TENM3: variants seen among roughly 807,000 people sequenced by gnomAD.
TENM3 encodes teneurin-3.
In TENM3, 63 loss-of-function variants were observed where a neutral mutation model predicts 255.1. The observed-to-expected ratio is 0.25, with a 90% CI of 0.20 to 0.30. The LOEUF is 0.30. TENM3 is among the 10% of genes least tolerant of loss of function. TENM3 has a pLI of 1.00. For synonymous variants in TENM3, 1,306 were observed against 1,322.3 expected, an observed-to-expected ratio of 0.99 and a Z score of 0.27; for missense variants, 2,929 against 3,461.1, an observed-to-expected ratio of 0.85 and a Z score of 3.86.
At chr4:182,555,352 C>G (rs1164885740) in intron 3 of TENM3, among the ~76,000 whole-genome samples, 1 of 151,856 alleles carries the variant, frequency 6.6e-6, no homozygotes, top group African/African-American at 2.4e-5. Flanking sequence ...CTATGTAAGT[C>G]TTACTTAAAA....
intron 6 of TENM3, among the ~76,000 whole-genome samples, chr4:182,661,429 C>CTG (rs1181482988): frequency 2.0e-5 from 3 of 152,034 alleles, no homozygotes; most frequent in Non-Finnish European, 4.4e-5. Flanking sequence ...TGCAGATTCC[C>CTG]TGTGAATTCG....
intron 3 of TENM3, among the ~76,000 whole-genome samples, chr4:182,427,729 GC>G (rs1461883949): frequency 6.6e-6 from 1 of 152,154 alleles, no homozygotes; most frequent in Non-Finnish European, 1.5e-5. Context: ...TACACAAAAT[GC>G]AATACTGCTG....
chr4:181,827,835 C>T, the TENM3 span, among the ~76,000 whole-genome samples: 1 of 152,122 alleles, frequency 6.6e-6, no homozygotes, highest in Admixed American at 6.5e-5. Context: ...TTGCAAAGTA[C>T]TGACAGGCTG....
rs1424352403 is a variant in TENM3 at position 182,775,027 on chromosome 4, C to T, written c.5178C>T (p.Thr1726=). Residue 1726 remains threonine (T), a synonymous_variant, in exon 24 of 28, where the codon ACC becomes ACT. Transcript: ENST00000511685. ...CAGAGCCGCACGTTCTGGCTGGCAC[C>T]GCTAATCCGACGGTTGCCAAAAGAA... ...YQTEPHVLAG[T]ANPTVAKRNM... 8 of 1,613,908 alleles carry T rather than the reference C, an allele frequency of 5.0e-6. No homozygotes were observed. Among genetic ancestry groups the T allele is most frequent in the African/African-American group, 4.0e-5 (3 of 74,924 alleles).
At chr4:182,011,511 G>A in the TENM3 span, among the ~76,000 whole-genome samples, 22 of 152,220 alleles carry the variant, frequency 1.4e-4, no homozygotes, top group African/African-American at 5.3e-4. Context: ...GCAAATTATA[G>A]TCTGATACTC....
chr4:182,768,450 A>G (rs896663575), intron 22 of TENM3, among the ~76,000 whole-genome samples: 2 of 152,202 alleles, frequency 1.3e-5, no homozygotes, highest in Non-Finnish European at 2.9e-5. Context: ...TTTAAGTAGA[A>G]AGGTATTATA....
At chr4:181,522,973 T>C in the TENM3 span, 2 of 677,876 alleles carry the variant, frequency 3.0e-6, no homozygotes, top group South Asian at 1.4e-5. Flanking sequence ...ATAAAGGAGA[T>C]GGGTAGGATG....
the TENM3 span, among the ~76,000 whole-genome samples, chr4:181,786,261 A>T: frequency 6.6e-6 from 1 of 152,220 alleles, no homozygotes. Context: ...TAAAGGCCGA[A>T]GGAAAACATC....
chr4:181,491,302 A>G, the TENM3 span, among the ~76,000 whole-genome samples: 3 of 152,058 alleles, frequency 2.0e-5, no homozygotes, highest in Non-Finnish European at 2.9e-5. Flanking sequence ...TGTATTCACT[A>G]TGAAAAAAAT....
At chr4:181,609,520 C>A in the TENM3 span, among the ~76,000 whole-genome samples, 1 of 152,182 alleles carries the variant, frequency 6.6e-6, no homozygotes, top group African/African-American at 2.4e-5. Context: ...GAATGCACAG[C>A]CCCATGAGCC....
At chr4:182,234,119 G>C (rs983207699) in intron 1 of TENM3, among the ~76,000 whole-genome samples, 1 of 152,086 alleles carries the variant, frequency 6.6e-6, no homozygotes, top group African/African-American at 2.4e-5. Context: ...TGAAAGCCTG[G>C]CTCCCTCATG....
the TENM3 span, among the ~76,000 whole-genome samples, chr4:181,986,555 T>TC: frequency 6.6e-6 from 1 of 151,998 alleles, no homozygotes; most frequent in African/African-American, 2.4e-5. Flanking sequence ...TCTCCATGAC[T>TC]CCCCCTTCAA....
chr4:181,653,856 C>T, the TENM3 span, among the ~76,000 whole-genome samples: 1 of 152,036 alleles, frequency 6.6e-6, no homozygotes, highest in South Asian at 2.1e-4. Context: ...AATGCTCTCC[C>T]TCCCCTTTCC....
intron 3 of TENM3, among the ~76,000 whole-genome samples, chr4:182,448,226 C>T (rs1489627040): frequency 6.6e-6 from 1 of 152,204 alleles, no homozygotes; most frequent in African/African-American, 2.4e-5. Flanking sequence ...ACGGGCCGGT[C>T]CACGCAGGGG....
chr4:181,648,684 A>C, the TENM3 span, among the ~76,000 whole-genome samples: 2 of 152,322 alleles, frequency 1.3e-5, no homozygotes, highest in Non-Finnish European at 2.9e-5. Flanking sequence ...TCAGTTGTTA[A>C]GGTATATCCT....
intron 3 of TENM3, among the ~76,000 whole-genome samples, chr4:182,586,865 AAAAT>A (rs752631848): frequency 5.3e-5 from 8 of 152,138 alleles, no homozygotes; most frequent in Non-Finnish European, 1.0e-4. Flanking sequence ...ATGCTAGAAA[AAAAT>A]AACTGCAAAA....
At chr4:182,406,576 A>G (rs1769596300) in intron 3 of TENM3, among the ~76,000 whole-genome samples, 1 of 152,222 alleles carries the variant, frequency 6.6e-6, no homozygotes, top group Non-Finnish European at 1.5e-5. Flanking sequence ...TGGAGAATTT[A>G]GAGGACAAGT....
At chr4:181,913,664 C>G in the TENM3 span, among the ~76,000 whole-genome samples, 1 of 151,966 alleles carries the variant, frequency 6.6e-6, no homozygotes, top group Non-Finnish European at 1.5e-5. Context: ...GCGATAGAGG[C>G]TAGGAGGGGG....
At chr4:182,131,125 G>A in the TENM3 span, among the ~76,000 whole-genome samples, 4 of 152,072 alleles carry the variant, frequency 2.6e-5, no homozygotes, top group African/African-American at 4.8e-5. Flanking sequence ...CTGTGTTAAC[G>A]TAAACACTGT....
Sources: gnomAD v4.1 joint callset for allele counts (sites outside exome capture counted in the v4.1 genomes callset) on GRCh38, gnomAD v4.1.1 for gene constraint, MANE v1.5 for transcripts, NCBI Gene and HGNC (gene_info 2026-07-23, HGNC 2026-07-21) for gene names.